EFCAB11: variants seen among roughly 807,000 people sequenced by gnomAD.
EFCAB11 encodes the protein EF-hand calcium-binding domain-containing protein 11.
Under a neutral mutation model 23.0 loss-of-function variants are expected in EFCAB11, and 14 were observed. The observed-to-expected ratio is 0.61, with a 90% CI of 0.40 to 0.95. The LOEUF (loss-of-function observed/expected upper bound fraction) is 0.95. EFCAB11 is among the 40% of genes least tolerant of loss of function. EFCAB11 has a pLI of 0.00. For missense variants in EFCAB11, 198 were observed against 195.8 expected (o/e 1.01, Z -0.07); for synonymous variants, 65 against 66.6 (o/e 0.98, Z 0.11).
intron 5 of EFCAB11, among the ~76,000 whole-genome samples, chr14:89,868,287 T>G (rs924886187): frequency 1.3e-5 from 2 of 152,230 alleles, no homozygotes; most frequent in African/African-American, 4.8e-5. Context: ...AAATAAAGGT[T>G]TCTCTTGCTA....
chr14:89,800,221 AAACG>A (rs778568532), intron 5 of EFCAB11, among the ~76,000 whole-genome samples: 2 of 140,782 alleles, frequency 1.4e-5, no homozygotes, highest in East Asian at 2.2e-4. Flanking sequence ...ACAAACAAAC[AAACG>A]CACGCCTGAG....
intron 5 of EFCAB11, among the ~76,000 whole-genome samples, chr14:89,859,426 G>A (rs574793358): frequency 2.0e-5 from 3 of 152,306 alleles, no homozygotes; most frequent in South Asian, 2.1e-4. Context: ...AGGAACTCAC[G>A]GAGGAGAGAC....
chr14:89,920,786 C>CG (rs2139785633), intron 5 of EFCAB11, among the ~76,000 whole-genome samples: 1 of 152,010 alleles, frequency 6.6e-6, no homozygotes, highest in East Asian at 1.9e-4. Context: ...TACATAGGGC[C>CG]GGGCGTGGTG....
chr14:89,841,217 T>C (rs1357653756), intron 5 of EFCAB11, among the ~76,000 whole-genome samples: 1 of 152,214 alleles, frequency 6.6e-6, no homozygotes, highest in African/African-American at 2.4e-5. Context: ...AACTTGGTTT[T>C]TCGTTGGAGA....
chr14:89,952,122 A>T (rs1891191442), intron 2 of EFCAB11, among the ~76,000 whole-genome samples: 1 of 152,254 alleles, frequency 6.6e-6, no homozygotes, highest in African/African-American at 2.4e-5. Context: ...TGTCACCTGC[A>T]TAATAAAAGT....
intron 5 of EFCAB11, among the ~76,000 whole-genome samples, chr14:89,865,987 G>T (rs899269851): frequency 6.6e-6 from 1 of 151,682 alleles, no homozygotes; most frequent in Non-Finnish European, 1.5e-5. Flanking sequence ...GTTTTGCCAT[G>T]TTGCCCAGGC....
At chr14:89,844,337 A>T (rs909441997) in intron 5 of EFCAB11, among the ~76,000 whole-genome samples, 5 of 152,380 alleles carry the variant, frequency 3.3e-5, no homozygotes, top group Admixed American at 6.5e-5. Context: ...GAATACAGTG[A>T]TTACGACTAC....
rs1411422525 is a variant in EFCAB11 at position 89,954,725 on chromosome 14, C to T, written c.-65G>A. ...ACCACCGCTTTCCCAGCCTGGCTGG[C>T]AGCCTACCGCGGCCACGCCCACCGC... On this transcript the variant is annotated 5_prime_UTR_variant, in exon 1 of 6. Coordinates refer to ENST00000316738, the MANE Select transcript of EFCAB11 (RefSeq NM_145231.4). 21 of 1,562,760 alleles carry T rather than the reference C, an allele frequency of 1.3e-5. 1 individual carries two copies. In the African/African-American group the frequency reaches 1.8e-4, roughly 13 times the overall value.
intron 5 of EFCAB11, among the ~76,000 whole-genome samples, chr14:89,834,448 C>T (rs560747178): frequency 1.7e-4 from 25 of 150,440 alleles, no homozygotes; most frequent in African/African-American, 4.9e-4. Flanking sequence ...TACTTGCAAC[C>T]GGCAATTGGA....
At chr14:89,916,776 G>A (rs955450602) in intron 5 of EFCAB11, among the ~76,000 whole-genome samples, 14 of 152,072 alleles carry the variant, frequency 9.2e-5, no homozygotes, top group Admixed American at 2.0e-4. Context: ...GATATCCCAC[G>A]GCAAGGATTT....
chr14:89,825,170 T>A (rs113783694), intron 5 of EFCAB11, among the ~76,000 whole-genome samples: 123 of 148,870 alleles, frequency 8.3e-4, no homozygotes, highest in African/African-American at 2.8e-3. Context: ...GGAATGAAAT[T>A]AGAGATCAAT....
chr14:89,864,076 G>A (rs1479750171), intron 5 of EFCAB11, among the ~76,000 whole-genome samples: 1 of 152,078 alleles, frequency 6.6e-6, no homozygotes, highest in Admixed American at 6.5e-5. Flanking sequence ...TAAATAACTA[G>A]TTCTAAATAA....
At chr14:89,927,292 T>C (rs1052785295) in intron 5 of EFCAB11, among the ~76,000 whole-genome samples, 1 of 152,218 alleles carries the variant, frequency 6.6e-6, no homozygotes, top group African/African-American at 2.4e-5. Flanking sequence ...AGAAATTTCT[T>C]TGGGAAGAAT....
intron 5 of EFCAB11, among the ~76,000 whole-genome samples, chr14:89,803,834 C>T (rs1183928842): frequency 1.3e-5 from 2 of 152,236 alleles, no homozygotes; most frequent in East Asian, 3.8e-4. Context: ...GGCGTGCTTG[C>T]CTCTTTGTTG....
intron 5 of EFCAB11, among the ~76,000 whole-genome samples, chr14:89,872,726 A>G (rs1319085367): frequency 2.6e-5 from 4 of 152,288 alleles, no homozygotes; most frequent in African/African-American, 9.6e-5. Context: ...ATTTAAGTGA[A>G]GTCATGCAGG....
intron 5 of EFCAB11, among the ~76,000 whole-genome samples, chr14:89,905,777 G>A (rs1480401535): frequency 2.0e-5 from 3 of 152,174 alleles, no homozygotes; most frequent in Non-Finnish European, 2.9e-5. Context: ...ATTTAGTTGG[G>A]AGGCCTAGAC....
intron 5 of EFCAB11, among the ~76,000 whole-genome samples, chr14:89,902,179 A>T (rs1195058879): frequency 1.3e-5 from 2 of 151,886 alleles, no homozygotes; most frequent in Non-Finnish European, 2.9e-5. Flanking sequence ...CCCATCTCAG[A>T]CCCTTTGCAA....
At position 89,954,650 on chromosome 14, in the gene EFCAB11, G is replaced by C. The variant is rs989335252; in HGVS notation, c.11C>G (p.Ser4Cys). The C allele has an allele frequency of 1.2e-6, 2 of 1,612,334 alleles. No homozygotes were observed. Among genetic ancestry groups the C allele is most frequent in the East Asian group, 4.5e-5 (2 of 44,850 alleles). ...CGTCCGCGACCTGGCTCTGGCCTCGGAGAAGAACATCGCGACTACAACAAC... is the reference window on the plus strand; with the variant it reads ...CGTCCGCGACCTGGCTCTGGCCTCGCAGAAGAACATCGCGACTACAACAAC... MFF[S>C]EARARSRTWE... The change falls in exon 1 of 6, where the codon TCC (serine) becomes TGC (cysteine). Residue 4 changes from serine to cysteine, a missense_variant. Transcript: ENST00000316738.
intron 5 of EFCAB11, among the ~76,000 whole-genome samples, chr14:89,814,075 A>G (rs1886243751): frequency 8.0e-6 from 1 of 125,716 alleles, no homozygotes; most frequent in Non-Finnish European, 1.8e-5. Context: ...GGGGGAGAAA[A>G]AAAAAACTAA....
Sources: allele counts gnomAD v4.1 joint callset (sites outside exome capture counted in the v4.1 genomes callset), GRCh38; gene constraint gnomAD v4.1.1; transcripts MANE v1.5; gene names NCBI Gene and HGNC (gene_info 2026-07-23, HGNC 2026-07-21).